NCKAP5: variants seen among roughly 807,000 people sequenced by gnomAD.
NCKAP5 encodes the protein nck-associated protein 5.
Under a neutral mutation model 167.0 loss-of-function variants are expected in NCKAP5, and 92 were observed. That is an observed-to-expected ratio of 0.55 (90% CI 0.47 to 0.66). NCKAP5 has a LOEUF of 0.66. Among genes scored for constraint, NCKAP5 ranks in the 30% least tolerant of loss-of-function variants. NCKAP5 has a pLI of 0.00. For synonymous variants in NCKAP5, 891 were observed against 877.4 expected, an observed-to-expected ratio of 1.02 and a Z score of -0.27; for missense variants, 2,378 against 2,315.0, an observed-to-expected ratio of 1.03 and a Z score of -0.56.
chr2:132,866,581 C>A (rs182120605), intron 10 of NCKAP5, among the ~76,000 whole-genome samples: 1 of 152,110 alleles, frequency 6.6e-6, no homozygotes, highest in East Asian at 1.9e-4. Context: ...CTATCAGTAT[C>A]AGTAGACTCT....
chr2:133,463,332 A>ATGCATAT (rs1692320015), intron 3 of NCKAP5, among the ~76,000 whole-genome samples: 1 of 152,196 alleles, frequency 6.6e-6, no homozygotes, highest in Admixed American at 6.5e-5. Flanking sequence ...ATTGTAGCAA[A>ATGCATAT]TGAAGAAATG....
chr2:133,283,018 G>A (rs1430855721), intron 4 of NCKAP5, among the ~76,000 whole-genome samples: 1 of 152,140 alleles, frequency 6.6e-6, no homozygotes, highest in Non-Finnish European at 1.5e-5. Context: ...TAACAAGAAA[G>A]ACATAGGGTA....
intron 2 of NCKAP5, among the ~76,000 whole-genome samples, chr2:133,546,651 C>T (rs550780746): frequency 6.6e-6 from 1 of 151,956 alleles, no homozygotes; most frequent in Admixed American, 6.6e-5. Flanking sequence ...TTCCCAGCAC[C>T]AGCAGGCAAA....
chr2:132,724,281 G>A (rs1382077046), intron 19 of NCKAP5, among the ~76,000 whole-genome samples: 1 of 152,068 alleles, frequency 6.6e-6, no homozygotes, highest in Non-Finnish European at 1.5e-5. Context: ...TCCCATGAAC[G>A]AACTATATAC....
At chr2:132,900,617 T>G (rs1238007808) in intron 8 of NCKAP5, among the ~76,000 whole-genome samples, 1 of 152,164 alleles carries the variant, frequency 6.6e-6, no homozygotes. Flanking sequence ...AGGTATCAAG[T>G]CCAACCACAT....
chr2:133,097,477 T>C (rs1351024529), intron 6 of NCKAP5, among the ~76,000 whole-genome samples: 2 of 152,202 alleles, frequency 1.3e-5, no homozygotes, highest in Admixed American at 6.5e-5. Context: ...TTCCAGCCTC[T>C]GATGAAATGC....
chr2:133,123,586 T>A (rs1393944549), intron 6 of NCKAP5: 1 of 273,800 alleles, frequency 3.7e-6, no homozygotes, highest in African/African-American at 2.2e-5. Flanking sequence ...ATATTGCTGA[T>A]GATGTGGAAA....
At position 133,520,374 on chromosome 2, in the gene NCKAP5, C is replaced by T. The variant is rs550957652; in HGVS notation, c.-61-2787G>A. 5.9e-5 allele frequency among the ~76,000 whole-genome samples: 9 copies of T among 152,174 alleles called. No individual in the cohort carries two copies. The South Asian group carries it at 1.9e-3, about 32-fold the overall frequency. ...AAGGTTAATCTTAGGTTTTAAATTCCCTACCTTACTCCCTACTAGCAGGTA... is the reference window on the plus strand; with the variant it reads ...AAGGTTAATCTTAGGTTTTAAATTCTCTACCTTACTCCCTACTAGCAGGTA... On this transcript the variant is annotated intron_variant, in intron 2 of 19. Transcript: ENST00000409261.
the NCKAP5 span, among the ~76,000 whole-genome samples, chr2:133,576,040 C>T: frequency 6.6e-6 from 1 of 152,100 alleles, no homozygotes; most frequent in Non-Finnish European, 1.5e-5. Context: ...AGGTTTATTC[C>T]AACTGGAAAA....
the NCKAP5 span, among the ~76,000 whole-genome samples, chr2:133,661,691 G>C: frequency 1.3e-5 from 2 of 152,104 alleles, no homozygotes; most frequent in Admixed American, 1.3e-4. Context: ...TATATCACCT[G>C]TATGGCCTTG....
intron 3 of NCKAP5, among the ~76,000 whole-genome samples, chr2:133,343,357 T>C (rs1683725577): frequency 2.6e-5 from 4 of 151,602 alleles, no homozygotes; most frequent in Admixed American, 2.0e-4. Context: ...GTAAGAAACA[T>C]GTTAGTAGCA....
chr2:133,523,460 C>T (rs1017365), intron 2 of NCKAP5, among the ~76,000 whole-genome samples: 88,596 of 152,028 alleles, frequency 0.58, 27,336 homozygotes, highest in East Asian at 0.91. Context: ...TGCAGAAAAA[C>T]AGTAATGCCA....
chr2:133,608,043 C>G, the NCKAP5 span, among the ~76,000 whole-genome samples: 6 of 152,114 alleles, frequency 3.9e-5, no homozygotes, highest in Non-Finnish European at 8.8e-5. Context: ...TTTTAAAAAC[C>G]TATGTATTCA....
intron 7 of NCKAP5, among the ~76,000 whole-genome samples, chr2:132,968,029 C>T (rs1266731210): frequency 6.6e-6 from 1 of 152,032 alleles, no homozygotes; most frequent in East Asian, 1.9e-4. Context: ...CGTGGCAGGG[C>T]CAGGCCTGCC....
At chr2:133,484,155 C>T (rs1232023135) in intron 3 of NCKAP5, among the ~76,000 whole-genome samples, 2 of 152,220 alleles carry the variant, frequency 1.3e-5, no homozygotes, top group Admixed American at 6.5e-5. Flanking sequence ...GTGACTGTTG[C>T]TCTTCTATCA....
At chr2:133,129,194 A>T (rs1378971805) in intron 6 of NCKAP5, among the ~76,000 whole-genome samples, 1 of 151,390 alleles carries the variant, frequency 6.6e-6, no homozygotes, top group Non-Finnish European at 1.5e-5. Context: ...TGCTGCACCC[A>T]TTAACTCGTC....
At chr2:133,498,896 T>C (rs965355930) in intron 3 of NCKAP5, among the ~76,000 whole-genome samples, 3 of 152,224 alleles carry the variant, frequency 2.0e-5, no homozygotes, top group African/African-American at 4.8e-5. Flanking sequence ...TATCTTGGCT[T>C]CCACAGATAC....
the NCKAP5 span, among the ~76,000 whole-genome samples, chr2:133,646,692 C>A: frequency 2.6e-5 from 4 of 152,004 alleles, no homozygotes; most frequent in African/African-American, 9.7e-5. Flanking sequence ...TAGGAAAGTA[C>A]AGAAAATTAT....
rs781601255 is a variant in NCKAP5, at chr2:132,782,504, G to A, written c.4307C>T (p.Thr1436Ile). 19 of 1,606,504 alleles carry A rather than the reference G, an allele frequency of 1.2e-5. No homozygotes were observed. Among genetic ancestry groups the A allele is most frequent in the Non-Finnish European group, 1.5e-5 (18 of 1,176,588 alleles). The change falls in exon 14 of 20, where the codon ACT becomes ATT. Residue 1436 changes from threonine to isoleucine, a missense_variant. Thr to Ile is a moderately conservative substitution (Grantham distance 89, BLOSUM62 -1). Coordinates refer to ENST00000409261, the MANE Select transcript of NCKAP5 (RefSeq NM_207363.3). ...QSPGRTQHPS[T>I]FETSSTSKLE... ...CTTGGATGTACTGCTTGTTTCAAAA[G>A]TGCTTGGATGCTGAGTCCTCCCTGG...
Sources: allele counts gnomAD v4.1 joint callset (sites outside exome capture counted in the v4.1 genomes callset), GRCh38; gene constraint gnomAD v4.1.1; transcripts MANE v1.5; gene names NCBI Gene and HGNC (gene_info 2026-07-23, HGNC 2026-07-21).